The following ATF6 variants were observed in gnomAD, a reference collection of about 807,000 sequenced individuals.
The protein encoded by ATF6 is cyclic AMP-dependent transcription factor ATF-6 alpha.
In ATF6, 53 loss-of-function variants were observed where a neutral mutation model predicts 83.6. That is an observed-to-expected ratio of 0.63 (90% CI 0.51 to 0.80). ATF6 has a LOEUF of 0.80. Ranked by LOEUF, ATF6 falls within the 30% of genes least tolerant of loss-of-function variation. The probability of loss-of-function intolerance (pLI) is 0.00; values close to 1 mark genes in which losing one functional copy is unlikely to be tolerated. For missense variants in ATF6, 744 were observed against 797.9 expected, an observed-to-expected ratio of 0.93 and a Z score of 0.81; for synonymous variants, 288 against 285.8, an observed-to-expected ratio of 1.01 and a Z score of -0.08.
intron 14 of ATF6, among the ~76,000 whole-genome samples, chr1:161,904,001 G>T (rs905198543): frequency 1.3e-5 from 2 of 152,150 alleles, no homozygotes; most frequent in Non-Finnish European, 2.9e-5. Context: ...ATAAAATCCT[G>T]CAGGTGATTC....
At chr1:161,869,909 C>T (rs74387680) in intron 14 of ATF6, among the ~76,000 whole-genome samples, 2,846 of 151,686 alleles carry the variant, frequency 0.019, 105 homozygotes, top group African/African-American at 0.065. Flanking sequence ...ATTCTTAGTC[C>T]TATTTTATGG....
Position 161,895,813 on chromosome 1 carries a change from T to TA in ATF6, c.1720-16482dup, listed in dbSNP as rs139084268. On this transcript the variant is annotated intron_variant, in intron 14 of 15. Transcript: ENST00000367942. ...TATGTACAAGAAAGCATTCATGCCTTATACTGATTAGATGAACTGTTTCAG... is the reference window on the plus strand; with the variant it reads ...TATGTACAAGAAAGCATTCATGCCTTAATACTGATTAGATGAACTGTTTCAG... Among the ~76,000 whole-genome samples the TA allele has an allele frequency of 8.1e-4, 123 of 152,350 alleles. 1 individual carries two copies. Among genetic ancestry groups the TA allele is most frequent in the Admixed American group, 1.3e-3 (20 of 15,300 alleles).
chr1:161,864,469 A>G (rs554441775), intron 14 of ATF6, among the ~76,000 whole-genome samples: 1 of 152,284 alleles, frequency 6.6e-6, no homozygotes, highest in Non-Finnish European at 1.5e-5. Context: ...TCATTCTCTG[A>G]TTATTACCAC....
chr1:161,894,734 C>A (rs148706710), intron 14 of ATF6, among the ~76,000 whole-genome samples: 1 of 128,174 alleles, frequency 7.8e-6, no homozygotes, highest in East Asian at 2.3e-4. Flanking sequence ...GTATTTTTAG[C>A]AGAGACGGGG....
intron 15 of ATF6, among the ~76,000 whole-genome samples, chr1:161,921,193 G>A (rs1558026195): frequency 2.0e-5 from 3 of 152,194 alleles, no homozygotes; most frequent in African/African-American, 7.2e-5. Flanking sequence ...TTGGAATTGA[G>A]CAAAGTGTCT....
chr1:161,794,798 T>C lies in ATF6; in HGVS notation c.688+2471T>C, dbSNP rs75530612. 6.2e-3 allele frequency among the ~76,000 whole-genome samples: 949 copies of C among 152,290 alleles called. 8 individuals are homozygous for C. Among genetic ancestry groups the C allele is most frequent in the African/African-American group, 0.022 (898 of 41,552 alleles). ...CTCAGTCCTCCATGTCCTTTAAGAC[T>C]GTTTTGAGTAGTGTAGATGAGAGAT... On this transcript the variant is annotated intron_variant, in intron 6 of 15. Transcript: ENST00000367942.
Position 161,920,294 on chromosome 1 carries a change from C to CTTTTTTTTTTTTTTTTTTTTTTT in ATF6, c.1804+7932_1804+7933insTTTTTTTTTTTTTTTTTTTTTTT, listed in dbSNP as rs71798307. Among the ~76,000 whole-genome samples, 309 of 54,834 alleles carry CTTTTTTTTTTTTTTTTTTTTTTT rather than the reference C, an allele frequency of 5.6e-3. 102 individuals are homozygous for CTTTTTTTTTTTTTTTTTTTTTTT. The highest frequency in any genetic ancestry group is 7.1e-3 in the Non-Finnish European group (213 of 30,138). The allele number at this position is 54,834 out of a possible 152,430, so 36.0% of individuals were successfully genotyped here. On this transcript the variant is annotated intron_variant, in intron 15 of 15. Coordinates refer to ENST00000367942, the MANE Select transcript of ATF6 (RefSeq NM_007348.4). Reference sequence around the variant, plus strand: ...TAGTTCTCTTTCTCTCTCTCTCTCTCTTTTTTTTTTTTTTTTTTGAGACAG... The same window carrying CTTTTTTTTTTTTTTTTTTTTTTT: ...TAGTTCTCTTTCTCTCTCTCTCTCTCTTTTTTTTTTTTTTTTTTTTTTTTTTTTTTTTTTTTTTTTTGAGACAG...
rs186302759 is a variant in ATF6, at chr1:161,948,312, C to G, written c.1805-10134C>G. Among the ~76,000 whole-genome samples the G allele has an allele frequency of 3.4e-3, 515 of 152,158 alleles. 4 individuals are homozygous for G. The highest frequency in any genetic ancestry group is 0.011 in the African/African-American group (456 of 41,492). On this transcript the variant is annotated intron_variant, in intron 15 of 15. Coordinates refer to ENST00000367942, the MANE Select transcript of ATF6 (RefSeq NM_007348.4). ...TTTCTAGATCGGTTTCCAATAGTAG[C>G]GAAAGAGAAAATCCTTTATCCCATC...
chr1:161,843,091 A>G (rs1249639047), intron 9 of ATF6, among the ~76,000 whole-genome samples: 1 of 152,262 alleles, frequency 6.6e-6, no homozygotes, highest in Admixed American at 6.5e-5. Context: ...AACCCTGGAC[A>G]GGGTGCCATC....
At chr1:161,804,724 C>A (rs1374259698) in intron 7 of ATF6, among the ~76,000 whole-genome samples, 1 of 150,806 alleles carries the variant, frequency 6.6e-6, no homozygotes, top group African/African-American at 2.4e-5. Flanking sequence ...TAATGAGCAT[C>A]TTAATGTTGA....
chr1:161,897,524 G>A (rs1687699775), intron 14 of ATF6, among the ~76,000 whole-genome samples: 2 of 152,162 alleles, frequency 1.3e-5, no homozygotes, highest in Non-Finnish European at 2.9e-5. Context: ...ACATAGATTT[G>A]TCATGGCTGC....
intron 15 of ATF6, among the ~76,000 whole-genome samples, chr1:161,954,322 A>G (rs1309512701): frequency 2.0e-5 from 3 of 151,974 alleles, no homozygotes; most frequent in African/African-American, 4.8e-5. Context: ...ATATTTATTT[A>G]CCTTCCATGC....
chr1:161,815,828 T>C (rs2101776931), intron 7 of ATF6, among the ~76,000 whole-genome samples: 1 of 152,226 alleles, frequency 6.6e-6, no homozygotes, highest in East Asian at 1.9e-4. Context: ...TAGTCCCAGC[T>C]ACTGGGGAGC....
chr1:161,906,268 C>T (rs1321657994), intron 14 of ATF6, among the ~76,000 whole-genome samples: 2 of 152,172 alleles, frequency 1.3e-5, no homozygotes, highest in Non-Finnish European at 2.9e-5. Flanking sequence ...GGTTTAGAAA[C>T]ATTTTTTCCT....
intron 7 of ATF6, among the ~76,000 whole-genome samples, chr1:161,808,187 A>C (rs1351558045): frequency 4.0e-5 from 6 of 151,888 alleles, no homozygotes; most frequent in African/African-American, 1.5e-4. Context: ...GCAGTTTGGC[A>C]TCTTTATAAG....
chr1:161,772,837 T>A (rs904731438), intron 1 of ATF6, among the ~76,000 whole-genome samples: 3 of 151,994 alleles, frequency 2.0e-5, no homozygotes, highest in Non-Finnish European at 4.4e-5. Context: ...GTTACTGCAT[T>A]TCTCTACTGT....
intron 14 of ATF6, among the ~76,000 whole-genome samples, chr1:161,899,095 A>G (rs1687732458): frequency 6.6e-6 from 1 of 152,188 alleles, no homozygotes; most frequent in Non-Finnish European, 1.5e-5. Context: ...AATATGTAAC[A>G]ATGTTGAGAC....
At chr1:161,897,754 T>A (rs1687705636) in intron 14 of ATF6, among the ~76,000 whole-genome samples, 1 of 152,218 alleles carries the variant, frequency 6.6e-6, no homozygotes, top group Non-Finnish European at 1.5e-5. Context: ...GAAGAAAAAG[T>A]AAAATATTTT....
chr1:161,937,828 A>G (rs1035776596), intron 15 of ATF6, among the ~76,000 whole-genome samples: 2 of 152,030 alleles, frequency 1.3e-5, no homozygotes, highest in Non-Finnish European at 2.9e-5. Context: ...ACCATGGCAC[A>G]TGTATACCTA....
Sources: allele counts gnomAD v4.1 joint callset (sites outside exome capture counted in the v4.1 genomes callset), GRCh38; gene constraint gnomAD v4.1.1; transcripts MANE v1.5; gene names NCBI Gene and HGNC (gene_info 2026-07-23, HGNC 2026-07-21).